Variants in PCDH9 observed in about 807,000 individuals in gnomAD.
PCDH9 encodes protocadherin 9.
In PCDH9, 24 loss-of-function variants were observed where a neutral mutation model predicts 70.6. The ratio of observed to expected loss-of-function variants is 0.34; its 90% confidence interval spans 0.25 to 0.48. PCDH9 has a LOEUF of 0.48. Ranked by LOEUF, PCDH9 falls within the 20% of genes least tolerant of loss-of-function variation. PCDH9 has a pLI of 0.99. For synonymous variants in PCDH9, 562 were observed against 558.5 expected, an observed-to-expected ratio of 1.01 and a Z score of -0.09; for missense variants, 1,281 against 1,503.6, an observed-to-expected ratio of 0.85 and a Z score of 2.45.
At chr13:66,753,336 T>A (rs1043149891) in intron 3 of PCDH9, among the ~76,000 whole-genome samples, 3 of 152,092 alleles carry the variant, frequency 2.0e-5, no homozygotes, top group African/African-American at 7.2e-5. Flanking sequence ...GTATAATAAA[T>A]CATTTCAAAT....
intron 4 of PCDH9, among the ~76,000 whole-genome samples, chr13:66,485,701 C>G (rs1470044834): frequency 6.6e-6 from 1 of 151,752 alleles, no homozygotes; most frequent in Non-Finnish European, 1.5e-5. Flanking sequence ...TTCTTCAACC[C>G]TATTATTTCA....
intron 4 of PCDH9, among the ~76,000 whole-genome samples, chr13:66,619,117 T>C (rs1015805173): frequency 1.3e-5 from 2 of 152,178 alleles, no homozygotes; most frequent in East Asian, 1.9e-4. Flanking sequence ...TTGCTTGTTT[T>C]ATATCAATAG....
At chr13:66,312,598 G>A (rs1411620108) in intron 4 of PCDH9, among the ~76,000 whole-genome samples, 1 of 130,282 alleles carries the variant, frequency 7.7e-6, no homozygotes, top group Non-Finnish European at 1.6e-5. Context: ...GAGATAGAGC[G>A]AGATCCTGCC....
intron 4 of PCDH9, among the ~76,000 whole-genome samples, chr13:66,536,910 A>G (rs1163757456): frequency 6.6e-6 from 1 of 152,150 alleles, no homozygotes; most frequent in Non-Finnish European, 1.5e-5. Flanking sequence ...CATTCAACTC[A>G]TGAGTTTCCT....
chr13:67,194,959 T>C (rs1727028406), intron 2 of PCDH9, among the ~76,000 whole-genome samples: 1 of 152,170 alleles, frequency 6.6e-6, no homozygotes, highest in Non-Finnish European at 1.5e-5. Context: ...TTACAATGGA[T>C]GTGTTTTGTG....
At chr13:67,020,846 A>G (rs1439050570) in intron 2 of PCDH9, among the ~76,000 whole-genome samples, 1 of 152,202 alleles carries the variant, frequency 6.6e-6, no homozygotes, top group East Asian at 1.9e-4. Context: ...CTATGGGATT[A>G]TGGTATATTT....
At chr13:66,431,561 G>A (rs533835235) in intron 4 of PCDH9, among the ~76,000 whole-genome samples, 1 of 152,008 alleles carries the variant, frequency 6.6e-6, no homozygotes, top group East Asian at 1.9e-4. Flanking sequence ...TATCTAATTT[G>A]GCAGATCATT....
chr13:66,977,792 A>G (rs2083651238), intron 2 of PCDH9, among the ~76,000 whole-genome samples: 1 of 152,132 alleles, frequency 6.6e-6, no homozygotes, highest in African/African-American at 2.4e-5. Context: ...ACCAGAAAAG[A>G]GTGCTGGGAA....
chr13:66,651,160 T>C (rs1348319824), intron 3 of PCDH9, among the ~76,000 whole-genome samples: 3 of 150,650 alleles, frequency 2.0e-5, no homozygotes, highest in East Asian at 3.9e-4. Flanking sequence ...CCTAAGTTAG[T>C]AGAAGAAAAA....
intron 3 of PCDH9, among the ~76,000 whole-genome samples, chr13:66,659,919 C>T (rs1391488808): frequency 1.3e-5 from 2 of 152,126 alleles, no homozygotes; most frequent in Non-Finnish European, 2.9e-5. Flanking sequence ...ATTTAAGGTG[C>T]CATTGCTTTG....
chr13:66,876,384 G>C (rs1418073227), intron 3 of PCDH9, among the ~76,000 whole-genome samples: 1 of 150,158 alleles, frequency 6.7e-6, no homozygotes, highest in Non-Finnish European at 1.5e-5. Flanking sequence ...TCTTGAATTA[G>C]AAGGAGTAAG....
At chr13:66,674,296 CTG>C (rs1257700849) in intron 3 of PCDH9, among the ~76,000 whole-genome samples, 1 of 152,000 alleles carries the variant, frequency 6.6e-6, no homozygotes, top group Non-Finnish European at 1.5e-5. Context: ...GGTATTATCA[CTG>C]TTATTTTGCT....
At chr13:66,788,523 T>G (rs2080113522) in intron 3 of PCDH9, among the ~76,000 whole-genome samples, 1 of 152,098 alleles carries the variant, frequency 6.6e-6, no homozygotes, top group South Asian at 2.1e-4. Context: ...TCCAGCATGC[T>G]CAGCATCTTC....
At chr13:66,941,100 C>T (rs148436723) in intron 2 of PCDH9, among the ~76,000 whole-genome samples, 69 of 151,786 alleles carry the variant, frequency 4.5e-4, no homozygotes, top group African/African-American at 1.6e-3. Flanking sequence ...TTAGGAGCTC[C>T]TGGTTATAAA....
intron 2 of PCDH9, among the ~76,000 whole-genome samples, chr13:67,049,604 G>A (rs1028290406): frequency 1.3e-5 from 2 of 152,118 alleles, no homozygotes; most frequent in African/African-American, 2.4e-5. Flanking sequence ...TGGCGATAAA[G>A]GAGCCAGGTG....
chr13:66,423,983 G>A (rs1957619973), intron 4 of PCDH9, among the ~76,000 whole-genome samples: 1 of 152,090 alleles, frequency 6.6e-6, no homozygotes, highest in South Asian at 2.1e-4. Context: ...CAAAGTCTCA[G>A]GATACAAAAT....
chr13:66,506,684 A>T (rs1407056101), intron 4 of PCDH9, among the ~76,000 whole-genome samples: 2 of 152,206 alleles, frequency 1.3e-5, no homozygotes, highest in South Asian at 2.1e-4. Flanking sequence ...GGCGCTACAC[A>T]CTAAGAAAGC....
intron 2 of PCDH9, among the ~76,000 whole-genome samples, chr13:67,039,422 G>C (rs960345988): frequency 4.6e-5 from 7 of 152,128 alleles, no homozygotes; most frequent in African/African-American, 1.7e-4. Context: ...CTGGCTTCCA[G>C]CATCATTTCA....
intron 3 of PCDH9, among the ~76,000 whole-genome samples, chr13:66,658,861 G>A (rs932444975): frequency 1.3e-5 from 2 of 152,068 alleles, no homozygotes; most frequent in African/African-American, 4.8e-5. Context: ...GTTTTCTGGT[G>A]ACTACATTAA....
Sources: allele counts gnomAD v4.1 joint callset (sites outside exome capture counted in the v4.1 genomes callset), GRCh38; gene constraint gnomAD v4.1.1; transcripts MANE v1.5; gene names NCBI Gene and HGNC (gene_info 2026-07-23, HGNC 2026-07-21).